TMEM108: variants seen among roughly 807,000 people sequenced by gnomAD.
TMEM108 encodes the protein cancer/testis antigen 124.
Under a neutral mutation model 35.1 loss-of-function variants are expected in TMEM108, and 12 were observed. The ratio of observed to expected loss-of-function variants is 0.34; its 90% CI spans 0.22 to 0.55. The LOEUF is 0.55. Ranked by LOEUF, TMEM108 falls within the 20% of genes least tolerant of loss-of-function variation. TMEM108 has a pLI of 0.89. For missense variants in TMEM108, 680 were observed against 753.3 expected (o/e 0.90, Z 1.14); for synonymous variants, 287 against 308.6 (o/e 0.93, Z 0.73).
intron 2 of TMEM108, among the ~76,000 whole-genome samples, chr3:133,089,960 A>G (rs1943928760): frequency 1.3e-5 from 2 of 152,200 alleles, no homozygotes; most frequent in South Asian, 2.1e-4. Flanking sequence ...GGGCTCAGCT[A>G]CTGGAATTTA....
chr3:133,172,562 G>T (rs1014615664), intron 2 of TMEM108, among the ~76,000 whole-genome samples: 15 of 152,106 alleles, frequency 9.9e-5, no homozygotes, highest in South Asian at 4.1e-4. Context: ...TTGGGCAGGG[G>T]TTTTTTTGTG....
At chr3:133,125,398 T>C (rs1342453292) in intron 2 of TMEM108, among the ~76,000 whole-genome samples, 1 of 152,050 alleles carries the variant, frequency 6.6e-6, no homozygotes, top group Admixed American at 6.6e-5. Context: ...CAGCTGAGGG[T>C]CTGAGTGGAA....
rs182515824 is a variant in TMEM108, at chr3:133,066,243, A to G, written c.-47+20223A>G. On this transcript the variant is annotated intron_variant, in intron 2 of 5. Coordinates refer to ENST00000321871, the MANE Select transcript of TMEM108 (RefSeq NM_023943.4). ...AAGTTCATTCCCATTGCCATCTGGT[A>G]TGAGCCTCTTTAGTGTTGTGTGTGC... Among the ~76,000 whole-genome samples the G allele has an allele frequency of 1.9e-3, 295 of 152,198 alleles. 1 individual carries two copies. The highest frequency in any genetic ancestry group is 6.8e-3 in the African/African-American group (281 of 41,546).
At chr3:133,238,643 C>A (rs1003508176) in intron 3 of TMEM108, among the ~76,000 whole-genome samples, 2 of 152,136 alleles carry the variant, frequency 1.3e-5, no homozygotes, top group African/African-American at 4.8e-5. Context: ...AATTTCCCTT[C>A]AGAAACTAGA....
intron 3 of TMEM108, among the ~76,000 whole-genome samples, chr3:133,284,308 C>A (rs1206660940): frequency 6.6e-6 from 1 of 152,214 alleles, no homozygotes; most frequent in East Asian, 1.9e-4. Flanking sequence ...TTAGCCCTTT[C>A]CTCCACCTTC....
chr3:133,189,602 A>G (rs542037365), intron 2 of TMEM108, among the ~76,000 whole-genome samples: 2 of 152,318 alleles, frequency 1.3e-5, no homozygotes, highest in East Asian at 3.9e-4. Context: ...ATAATAATGG[A>G]ACAAAGTATC....
At chr3:133,218,589 G>A (rs1339475173) in intron 2 of TMEM108, among the ~76,000 whole-genome samples, 1 of 151,914 alleles carries the variant, frequency 6.6e-6, no homozygotes, top group African/African-American at 2.4e-5. Flanking sequence ...TTAATTTATT[G>A]AGAGTTTTTA....
chr3:133,045,120 A>T (rs1235174879), intron 1 of TMEM108, among the ~76,000 whole-genome samples: 1 of 152,018 alleles, frequency 6.6e-6, no homozygotes, highest in Non-Finnish European at 1.5e-5. Flanking sequence ...GGCACCCGCC[A>T]CCATGCCCGG....
intron 2 of TMEM108, among the ~76,000 whole-genome samples, chr3:133,120,325 A>G (rs965452497): frequency 4.6e-5 from 7 of 152,150 alleles, no homozygotes; most frequent in Non-Finnish European, 1.0e-4. Context: ...TCATTTTTCA[A>G]ATATTTTGAG....
In TMEM108 at chr3:133,124,181, T is replaced by C. The variant is rs376281831; in HGVS notation, c.-47+78161T>C. Among the ~76,000 whole-genome samples the C allele has an allele frequency of 4.3e-4, 66 of 152,344 alleles. 3 individuals are homozygous for C. The East Asian group carries it at 4.4e-3, about 10-fold the overall frequency. On this transcript the variant is annotated intron_variant, in intron 2 of 5. Coordinates refer to ENST00000321871, the MANE Select transcript of TMEM108 (RefSeq NM_023943.4). ...AGAATTCACTGAGGGGAAAAAAATA[T>C]GGAAAGCAGCATCAGTCATTTGGGA...
At position 133,372,076 on chromosome 3, in the gene TMEM108, G is replaced by A. The variant is rs140817482; in HGVS notation, c.41-7676G>A. Among the ~76,000 whole-genome samples the A allele has an allele frequency of 5.5e-3, 843 of 152,326 alleles. 19 individuals carry two copies. Among genetic ancestry groups the A allele is most frequent in the Admixed American group, 0.035 (538 of 15,308 alleles). On this transcript the variant is annotated intron_variant, in intron 3 of 5. Coordinates refer to ENST00000321871, the MANE Select transcript of TMEM108 (RefSeq NM_023943.4). ...ATGTTTGTACCAAGTTGAATCAAAT[G>A]ACTAAGGCAAAAAAGCTAAAGCTGA... is the stretch of plus-strand genomic sequence containing the variant.
In TMEM108 at chr3:133,390,209, A is replaced by C; in HGVS notation, c.1480A>C (p.Arg494=). 1 of 1,614,208 alleles carries C rather than the reference A, an allele frequency of 6.2e-7. No individual in the cohort carries two copies. Among genetic ancestry groups the C allele is most frequent in the Non-Finnish European group, 8.5e-7 (1 of 1,180,040 alleles). Residue 494 remains arginine (R), a synonymous_variant, in exon 5 of 6, where the codon AGG becomes CGG. Coordinates refer to ENST00000321871, the MANE Select transcript of TMEM108 (RefSeq NM_023943.4). ...CCTGCTGACGGTGTGCTGCATGAAG[A>C]GGAAGAAGAAGACCGCCAACCCGGA... ...SVLLTVCCMK[R]KKKTANPENN...
intron 2 of TMEM108, chr3:133,118,983 A>G (rs3811650): frequency 0.097 from 14,696 of 152,150 alleles, 894 homozygotes; most frequent in Admixed American, 0.17. Flanking sequence ...TGCCTTTCCT[A>G]TGCCACAGGT....
chr3:133,309,682 CTTTTTTTTTTTTTTTTTTTT>C (rs148272827), intron 3 of TMEM108, among the ~76,000 whole-genome samples: 37 of 69,194 alleles, frequency 5.3e-4, no homozygotes, highest in Admixed American at 1.3e-3. Context: ...GAGTGAGTTT[CTTTTTTTTTTTTTTTTTTTT>C]TTTTTTTTTT....
intron 3 of TMEM108, among the ~76,000 whole-genome samples, chr3:133,252,415 TG>T (rs1392730834): frequency 2.6e-5 from 4 of 152,118 alleles, no homozygotes; most frequent in African/African-American, 9.7e-5. Flanking sequence ...ATTTTAGCAA[TG>T]GAGTAACTAG....
At chr3:133,273,561 A>G (rs977542278) in intron 3 of TMEM108, among the ~76,000 whole-genome samples, 1 of 152,158 alleles carries the variant, frequency 6.6e-6, no homozygotes, top group African/African-American at 2.4e-5. Context: ...CTCTCCCTGA[A>G]CTTTGGAGAG....
chr3:133,057,435 GTATATATATATATATATATATATA>G (rs56983894), intron 2 of TMEM108, among the ~76,000 whole-genome samples: 35 of 45,764 alleles, frequency 7.6e-4, no homozygotes, highest in East Asian at 3.5e-3. Context: ...GTGTGTGTGT[GTATATATATATATATATATATATA>G]TATATATATA....
chr3:133,392,364 T>C (rs934126845), intron 5 of TMEM108, among the ~76,000 whole-genome samples: 2 of 152,094 alleles, frequency 1.3e-5, no homozygotes, highest in African/African-American at 4.8e-5. Context: ...GGTTTCGCTA[T>C]GTTGGCCAGG....
At chr3:133,363,543 C>T (rs1229259322) in intron 3 of TMEM108, among the ~76,000 whole-genome samples, 2 of 151,846 alleles carry the variant, frequency 1.3e-5, no homozygotes, top group Non-Finnish European at 2.9e-5. Flanking sequence ...GTAACTGGGA[C>T]GACAGGTGCG....
Sources: gnomAD v4.1 joint callset for allele counts (sites outside exome capture counted in the v4.1 genomes callset) on GRCh38, gnomAD v4.1.1 for gene constraint, MANE v1.5 for transcripts, NCBI Gene and HGNC (gene_info 2026-07-23, HGNC 2026-07-21) for gene names.